Variants in NTN4 observed in about 807,000 individuals in gnomAD.
NTN4 encodes netrin-4.
In NTN4, 32 loss-of-function variants were observed where a neutral mutation model predicts 73.6. The observed-to-expected ratio is 0.44, with a 90% CI of 0.33 to 0.58. NTN4 has a LOEUF of 0.58. Ranked by LOEUF, NTN4 falls within the 20% of genes least tolerant of loss-of-function variation. NTN4 has a pLI of 0.04. For missense variants in NTN4, 654 were observed against 798.3 expected (o/e 0.82, Z 2.18); for synonymous variants, 258 against 287.5 (o/e 0.90, Z 1.04).
chr12:95,790,932 G>GGC (rs1318617347), upstream of NTN4, among the ~76,000 whole-genome samples: 956 of 148,994 alleles, frequency 6.4e-3, 28 homozygotes, highest in Non-Finnish European at 9.7e-3. This position sits in a 1 kb window ranked among gnomAD's most constrained non-coding sequence, Gnocchi z 6.5. Flanking sequence ...GCCGCCCGGG[G>GGC]GGGGGGTCCC....
At chr12:95,737,830 A>G (rs368715259) in intron 3 of NTN4, 36 bp downstream of exon 3, 21 of 1,582,998 alleles carry the variant, frequency 1.3e-5, no homozygotes, top group Non-Finnish European at 1.6e-5. Context: ...GTAACTTATG[A>G]TTTGTTTTTC....
Position 95,790,357 on chromosome 12 carries a change from G to T in NTN4, c.-48C>A, listed in dbSNP as rs1399967232. On this transcript the variant is annotated 5_prime_UTR_variant, in exon 1 of 10. Coordinates refer to ENST00000343702, the MANE Select transcript of NTN4 (RefSeq NM_021229.4). This position sits in a 1 kb window ranked among gnomAD's most constrained non-coding sequence, Gnocchi z 6.5. ...CCGGGCCGGGCGGGTGCCGGAGGGAGCCGAGACCTCTGGGCTGCGGGATGA... is the reference window on the plus strand; with the variant it reads ...CCGGGCCGGGCGGGTGCCGGAGGGATCCGAGACCTCTGGGCTGCGGGATGA... 11 of 1,478,286 alleles carry T rather than the reference G, an allele frequency of 7.4e-6. No homozygotes were observed. Among genetic ancestry groups the T allele is most frequent in the African/African-American group, 1.5e-5 (1 of 68,480 alleles). 91.6% of individuals were successfully genotyped at this position (1,478,286 alleles called of 1,614,324 possible).
chr12:95,764,293 C>T (rs2079006325), intron 2 of NTN4, among the ~76,000 whole-genome samples: 1 of 152,186 alleles, frequency 6.6e-6, no homozygotes, highest in East Asian at 1.9e-4. Flanking sequence ...CTATAGGTAA[C>T]AGACCCTCTT....
intron 2 of NTN4, among the ~76,000 whole-genome samples, chr12:95,783,206 G>A (rs968651680): frequency 2.6e-5 from 4 of 152,180 alleles, no homozygotes; most frequent in Non-Finnish European, 4.4e-5. Flanking sequence ...CATTTCCCAC[G>A]CTGCGCTCTG....
At chr12:95,760,671 T>C (rs2078980748) in intron 2 of NTN4, among the ~76,000 whole-genome samples, 1 of 147,508 alleles carries the variant, frequency 6.8e-6, no homozygotes, top group South Asian at 2.1e-4. Flanking sequence ...CTGAAAACAA[T>C]TGTATCATCT....
At chr12:95,748,003 G>A (rs574333955) in intron 2 of NTN4, among the ~76,000 whole-genome samples, 74 of 151,774 alleles carry the variant, frequency 4.9e-4, no homozygotes, top group African/African-American at 1.5e-3. Flanking sequence ...AGGCTGAGGC[G>A]GGTGGATCAC....
chr12:95,671,569 G>A (rs765483226), intron 7 of NTN4, among the ~76,000 whole-genome samples: 57 of 152,250 alleles, frequency 3.7e-4, no homozygotes, highest in Non-Finnish European at 7.1e-4. Context: ...CTCTCCTTAT[G>A]AGAATCTAAT....
intron 3 of NTN4, among the ~76,000 whole-genome samples, chr12:95,716,391 G>A (rs2078605258): frequency 6.6e-6 from 1 of 152,124 alleles, no homozygotes; most frequent in Non-Finnish European, 1.5e-5. Context: ...TAAACCAGAG[G>A]TATGTGTTCG....
At chr12:95,682,056 G>GATTTTT (rs1349857597) in intron 7 of NTN4, among the ~76,000 whole-genome samples, 1 of 37,962 alleles carries the variant, frequency 2.6e-5, no homozygotes, top group African/African-American at 1.6e-4. Flanking sequence ...TATTCAGTAG[G>GATTTTT]CTTTTTTTTT....
chr12:95,766,090 C>T (rs10777726), intron 2 of NTN4, among the ~76,000 whole-genome samples: 84,802 of 151,666 alleles, frequency 0.56, 23,937 homozygotes, highest in East Asian at 0.68. Context: ...AGGGACTCCT[C>T]GCCTTTTTCC....
At position 95,781,644 on chromosome 12, in the gene NTN4, C is replaced by A. The variant is rs2079133712; in HGVS notation, c.585+5295G>T. Among the ~76,000 whole-genome samples, 1 of 152,184 alleles carries A rather than the reference C, an allele frequency of 6.6e-6. No homozygotes were observed. The highest frequency in any genetic ancestry group is 2.4e-5 in the African/African-American group (1 of 41,446). On this transcript the variant is annotated intron_variant, in intron 2 of 9. Transcript: ENST00000343702. This position sits in a 1 kb window ranked among gnomAD's most constrained non-coding sequence, Gnocchi z 4.1. ...AAGAAAAAAGTTGTTAAGCTTGATT[C>A]TCTCATCTTACCATGTCATTTCTAT... is the stretch of plus-strand genomic sequence containing the variant.
At chr12:95,738,715 C>T (rs1165345254) in intron 2 of NTN4, among the ~76,000 whole-genome samples, 1 of 152,094 alleles carries the variant, frequency 6.6e-6, no homozygotes. Context: ...AAAAGTATCA[C>T]CTTAGAGATC....
chr12:95,746,783 C>T (rs570575058), intron 2 of NTN4, among the ~76,000 whole-genome samples: 2 of 152,324 alleles, frequency 1.3e-5, no homozygotes, highest in South Asian at 4.1e-4. Context: ...CCCTGCACTG[C>T]AGACTGGACA....
At chr12:95,676,497 T>C (rs2078274468) in intron 7 of NTN4, among the ~76,000 whole-genome samples, 1 of 152,016 alleles carries the variant, frequency 6.6e-6, no homozygotes, top group Non-Finnish European at 1.5e-5. Flanking sequence ...AAATTCTTAA[T>C]GGAAATTAGA....
intron 9 of NTN4, among the ~76,000 whole-genome samples, chr12:95,662,744 A>G (rs2078148275): frequency 6.6e-6 from 1 of 152,250 alleles, no homozygotes; most frequent in Admixed American, 6.5e-5. Flanking sequence ...AGTTAAAAAT[A>G]TAATAGCCTT....
chr12:95,713,345 G>A lies in NTN4; in HGVS notation c.865-7C>T. 6.3e-7 allele frequency: 1 copy of A among 1,583,472 alleles called. No homozygotes were observed. Among genetic ancestry groups the A allele is most frequent in the Non-Finnish European group, 8.6e-7 (1 of 1,157,176 alleles). On this transcript the variant is annotated splice_region_variant and splice_polypyrimidine_tract_variant and intron_variant, in intron 3 of 9. Transcript: ENST00000343702. ...ACATACACTTCCCATGGACCTACAA[G>A]CAACATCAAGTGAGAACTATGAGCA...
intron 7 of NTN4, among the ~76,000 whole-genome samples, chr12:95,682,095 C>T (rs1355620813): frequency 1.1e-5 from 1 of 91,972 alleles, no homozygotes; most frequent in African/African-American, 4.5e-5. Context: ...CAAGGTCTTG[C>T]TCTGTTACCC....
In NTN4 at chr12:95,658,938, G is replaced by A. The variant is rs943546319; in HGVS notation, c.*148C>T. 1 of 657,890 alleles carries A rather than the reference G, an allele frequency of 1.5e-6. No homozygotes were observed. The highest frequency in any genetic ancestry group is 2.6e-6 in the Non-Finnish European group (1 of 391,216). 40.8% of individuals were successfully genotyped at this position (657,890 alleles called of 1,614,324 possible). ...ACTGTATTTAAACATGGGTCCAGAA[G>A]AGATAAGTTAGATAAGACCCATGCA... On this transcript the variant is annotated 3_prime_UTR_variant, in exon 10 of 10. Transcript: ENST00000343702.
chr12:95,765,682 G>A (rs2079016568), intron 2 of NTN4, among the ~76,000 whole-genome samples: 1 of 151,974 alleles, frequency 6.6e-6, no homozygotes, highest in South Asian at 2.1e-4. Flanking sequence ...CGAGTGACAG[G>A]ATGAACTGGC....
Sources: gnomAD v4.1 joint callset for allele counts (sites outside exome capture counted in the v4.1 genomes callset) on GRCh38, gnomAD v4.1.1 for gene constraint, Gnocchi (gnomAD v3.1) non-coding constraint, MANE v1.5 for transcripts, NCBI Gene and HGNC (gene_info 2026-07-23, HGNC 2026-07-21) for gene names.